PREP: variants seen among roughly 807,000 people sequenced by gnomAD.
The protein encoded by PREP is dJ355L5.1 (prolyl endopeptidase).
PREP carries 29 observed loss-of-function variants against 87.6 expected under a neutral mutation model. That is an observed-to-expected ratio of 0.33 (90% CI 0.25 to 0.45). The LOEUF is 0.45. PREP is among the 20% of genes least tolerant of loss of function. The pLI, the probability that PREP is intolerant of heterozygous loss-of-function variation, is 1.00. For missense variants in PREP, 695 were observed against 886.5 expected, an observed-to-expected ratio of 0.78 and a Z score of 2.74; for synonymous variants, 337 against 328.6, an observed-to-expected ratio of 1.03 and a Z score of -0.28.
chr6:105,312,938 A>G (rs1770789134), intron 10 of PREP, among the ~76,000 whole-genome samples: 1 of 152,176 alleles, frequency 6.6e-6, no homozygotes, highest in Non-Finnish European at 1.5e-5. Context: ...CATGTACCCA[A>G]CACAGACAAT....
intron 7 of PREP, among the ~76,000 whole-genome samples, chr6:105,333,938 T>C (rs1169757083): frequency 6.6e-6 from 1 of 152,154 alleles, no homozygotes; most frequent in Admixed American, 6.5e-5. Flanking sequence ...GGAGACATTT[T>C]CGGCTGTCAC....
intron 2 of PREP, among the ~76,000 whole-genome samples, chr6:105,395,806 A>G (rs1010561472): frequency 5.3e-5 from 8 of 152,280 alleles, no homozygotes; most frequent in African/African-American, 1.7e-4. Context: ...TCCAGGTTAT[A>G]GCCGATACTT....
intron 2 of PREP, among the ~76,000 whole-genome samples, chr6:105,383,731 G>C (rs559974328): frequency 1.6e-4 from 24 of 152,206 alleles, no homozygotes; most frequent in East Asian, 5.8e-4. Context: ...ATCAATTAGG[G>C]AGGAAGCAGA....
chr6:105,331,795 G>A (rs1771342948), intron 8 of PREP, among the ~76,000 whole-genome samples: 1 of 152,196 alleles, frequency 6.6e-6, no homozygotes. Flanking sequence ...ATAAGGGTCA[G>A]AATGTGAACA....
intron 8 of PREP, among the ~76,000 whole-genome samples, chr6:105,332,698 T>C (rs775579009): frequency 6.6e-5 from 10 of 152,194 alleles, no homozygotes; most frequent in South Asian, 2.1e-4. Flanking sequence ...CAATAAATAA[T>C]TTATAAAGCA....
intron 2 of PREP, among the ~76,000 whole-genome samples, chr6:105,386,357 A>G (rs1297504618): frequency 6.6e-6 from 1 of 152,210 alleles, no homozygotes; most frequent in Admixed American, 6.5e-5. Flanking sequence ...CATCTAGCTC[A>G]GTGGCAATGT....
chr6:105,287,342 C>T (rs947000044), intron 11 of PREP, among the ~76,000 whole-genome samples: 4 of 151,974 alleles, frequency 2.6e-5, no homozygotes, highest in Admixed American at 1.3e-4. Flanking sequence ...GAACAGCAAC[C>T]GTTATGACAC....
intron 10 of PREP, among the ~76,000 whole-genome samples, chr6:105,305,854 T>G (rs7775160): frequency 0.091 from 13,737 of 150,836 alleles, 1,634 homozygotes; most frequent in African/African-American, 0.28. Flanking sequence ...CTTTTTTTTT[T>G]GGGGGGGACA....
rs752124561 is a variant in PREP at position 105,278,135 on chromosome 6, G to A, written c.*9C>T. 33 of 1,600,050 alleles carry A rather than the reference G, an allele frequency of 2.1e-5. 1 individual carries two copies. The highest frequency in any genetic ancestry group is 2.0e-4 in the African/African-American group (15 of 74,714). ...TTCTGTCGCTGTCAGGAGGAAGCAC[G>A]AAAACTGTTTATGGAATCCAGTCGA... On this transcript the variant is annotated 3_prime_UTR_variant, in exon 15 of 15. Transcript: ENST00000652536. This position sits in a 1 kb window ranked among gnomAD's most constrained non-coding sequence, Gnocchi z 4.2.
intron 2 of PREP, among the ~76,000 whole-genome samples, chr6:105,378,810 T>G (rs1256598864): frequency 6.6e-6 from 1 of 152,168 alleles, no homozygotes; most frequent in East Asian, 1.9e-4. Context: ...GACCATAATA[T>G]ACTTTGAATG....
chr6:105,288,782 T>G lies in PREP; in HGVS notation c.1430A>C (p.Asn477Thr). ...PAFLYGYGGF[N>T]ISITPNYSVS... The stretch of plus-strand genomic sequence containing the variant: ...CCTGTAGTTGGGTGTGATGGATATG[T>G]TGAAGCCGCCATAGCCATATAAGAA... Residue 477 changes from asparagine (N) to threonine (T), a missense_variant, in exon 11 of 15, where the codon AAC (asparagine) becomes ACC (threonine). Asn to Thr is a moderately conservative substitution (Grantham distance 65). Transcript: ENST00000652536. The G allele has an allele frequency of 1.9e-6, 3 of 1,614,174 alleles. No individual in the cohort carries two copies. Among genetic ancestry groups the G allele is most frequent in the Non-Finnish European group, 2.5e-6 (3 of 1,180,010 alleles).
chr6:105,376,744 C>T (rs970044004), intron 3 of PREP, among the ~76,000 whole-genome samples: 3 of 152,146 alleles, frequency 2.0e-5, no homozygotes, highest in African/African-American at 7.2e-5. Context: ...AGCTGCAGCA[C>T]AAAAGCAGCT....
chr6:105,363,475 A>G (rs377512000), intron 6 of PREP, among the ~76,000 whole-genome samples: 10 of 152,248 alleles, frequency 6.6e-5, no homozygotes, highest in African/African-American at 2.2e-4. Context: ...CTCACAGTCT[A>G]TATTAAATAA....
intron 5 of PREP, among the ~76,000 whole-genome samples, chr6:105,371,438 T>C (rs529350369): frequency 7.1e-6 from 1 of 140,990 alleles, no homozygotes; most frequent in East Asian, 2.0e-4. Flanking sequence ...GAGGTACAGG[T>C]TGCAGTGAGC....
intron 7 of PREP, among the ~76,000 whole-genome samples, chr6:105,347,996 C>G (rs548453611): frequency 3.9e-5 from 6 of 152,130 alleles, no homozygotes; most frequent in African/African-American, 1.4e-4. Context: ...TTGTAAGGTT[C>G]AGGATAATTA....
At chr6:105,369,154 A>G in intron 5 of PREP, 130 bp from the exon 6 acceptor site, 1 of 872,786 alleles carries the variant, frequency 1.1e-6, no homozygotes, top group Non-Finnish European at 1.7e-6. Flanking sequence ...ACATACAGAA[A>G]TCAATTACTT....
rs117904486 is a variant in PREP, at chr6:105,345,101, T to C, written c.823+7871A>G. 2.8e-4 allele frequency among the ~76,000 whole-genome samples: 42 copies of C among 152,384 alleles called. No individual in the cohort carries two copies. In the East Asian group the frequency reaches 8.1e-3, roughly 29 times the overall value. ...CTTTTGCTCTCCTGAAACCTTGTTC[T>C]ACAGGGCTTTGGTAGAGAAATAAAT... is the stretch of plus-strand genomic sequence containing the variant. On this transcript the variant is annotated intron_variant, in intron 7 of 14. Transcript: ENST00000652536.
chr6:105,315,892 C>A (rs1326255709), intron 10 of PREP, among the ~76,000 whole-genome samples: 2 of 152,196 alleles, frequency 1.3e-5, no homozygotes, highest in East Asian at 3.9e-4. Context: ...TTAGTCTTCA[C>A]AGAACTGAAG....
chr6:105,393,372 A>G (rs935242411), intron 2 of PREP, among the ~76,000 whole-genome samples: 4 of 152,140 alleles, frequency 2.6e-5, no homozygotes, highest in African/African-American at 4.8e-5. Flanking sequence ...CTTGTAACAG[A>G]AAATTCTCAA....
Sources: gnomAD v4.1 joint callset for allele counts (sites outside exome capture counted in the v4.1 genomes callset) on GRCh38, gnomAD v4.1.1 for gene constraint, Gnocchi (gnomAD v3.1) non-coding constraint, MANE v1.5 for transcripts, NCBI Gene and HGNC (gene_info 2026-07-23, HGNC 2026-07-21) for gene names.